Variants in STAG1 observed in about 807,000 individuals in gnomAD.
STAG1 encodes STAG1 cohesin complex component.
A neutral mutation model predicts 170.9 loss-of-function variants in STAG1; 26 were observed. The ratio of observed to expected loss-of-function variants is 0.15; its 90% CI spans 0.11 to 0.21. STAG1 has a LOEUF of 0.21. Ranked by LOEUF, STAG1 falls within the 10% of genes least tolerant of loss-of-function variation. STAG1 has a pLI of 1.00. For synonymous variants in STAG1, 514 were observed against 497.7 expected (o/e 1.03, Z -0.44); for missense variants, 964 against 1,509.5 (o/e 0.64, Z 5.99).
At chr3:136,339,410 C>G (rs1193344359) in intron 32 of STAG1, among the ~76,000 whole-genome samples, 1 of 152,270 alleles carries the variant, frequency 6.6e-6, no homozygotes, top group South Asian at 2.1e-4. Flanking sequence ...ATAGTGCCAG[C>G]TATTTGGGAG....
chr3:136,600,091 T>A (rs927860764), intron 4 of STAG1, among the ~76,000 whole-genome samples: 2 of 152,192 alleles, frequency 1.3e-5, no homozygotes, highest in Non-Finnish European at 2.9e-5. Flanking sequence ...GTCCATCTTC[T>A]CCCTTTCCTC....
At chr3:136,490,125 C>G (rs1253837112) in intron 9 of STAG1, among the ~76,000 whole-genome samples, 3 of 151,334 alleles carry the variant, frequency 2.0e-5, no homozygotes, top group Non-Finnish European at 2.9e-5. Context: ...ACTGCAACCT[C>G]CACCTCCCGG....
intron 1 of STAG1, among the ~76,000 whole-genome samples, chr3:136,668,796 C>T (rs13063893): frequency 0.096 from 14,551 of 152,210 alleles, 910 homozygotes; most frequent in Middle Eastern, 0.16. Flanking sequence ...ATCCCAAAGG[C>T]TCTGCAGCTG....
chr3:136,544,001 C>T (rs143389846), intron 5 of STAG1, among the ~76,000 whole-genome samples: 1 of 152,170 alleles, frequency 6.6e-6, no homozygotes, highest in Non-Finnish European at 1.5e-5. Flanking sequence ...TGCACAGATT[C>T]AAATACTGTT....
rs548260592 is a variant in STAG1, at chr3:136,343,746, G to C, written c.3446+86C>G. On this transcript the variant is annotated intron_variant, in intron 30 of 33. Coordinates refer to ENST00000383202, the MANE Select transcript of STAG1 (RefSeq NM_005862.3). ...CTTATCATGAACTGACCAGCAATATGTTCTGATGAACAAATAAAGTTTTTC... is the reference window on the plus strand; with the variant it reads ...CTTATCATGAACTGACCAGCAATATCTTCTGATGAACAAATAAAGTTTTTC... 200 of 1,132,898 alleles carry C rather than the reference G, an allele frequency of 1.8e-4. 1 individual carries two copies. The highest frequency in any genetic ancestry group is 2.3e-4 in the Non-Finnish European group (186 of 815,746). 70.2% of individuals were successfully genotyped at this position (1,132,898 alleles called of 1,614,324 possible). A position where few individuals can be genotyped will look rare whatever the true frequency, so the allele number is the denominator to read the frequency against.
In STAG1 at chr3:136,557,434, A is replaced by C. The variant is rs1294119523; in HGVS notation, c.394+11331T>G. Among the ~76,000 whole-genome samples, 13 of 152,232 alleles carry C rather than the reference A, an allele frequency of 8.5e-5. No homozygotes were observed. In the South Asian group the frequency reaches 1.9e-3, roughly 22 times the overall value. On this transcript the variant is annotated intron_variant, in intron 5 of 33. Transcript: ENST00000383202. ...TGACGTAAAAACCTAAATTTGAAGG[A>C]CTAACCTATACATAACTAACTAAAC...
chr3:136,623,331 T>C (rs1010020905), intron 2 of STAG1, 83 bp from the exon 3 acceptor site: 19 of 1,224,900 alleles, frequency 1.6e-5, no homozygotes, highest in Non-Finnish European at 2.1e-5. Context: ...CCACCTGCTA[T>C]ATGGCTGATT....
At chr3:136,565,316 T>C (rs962377239) in intron 5 of STAG1, among the ~76,000 whole-genome samples, 2 of 152,256 alleles carry the variant, frequency 1.3e-5, no homozygotes, top group African/African-American at 4.8e-5. Flanking sequence ...CCACAATATA[T>C]ACAACTCATC....
rs762179492 is a variant in STAG1, at chr3:136,422,844, G to A, written c.1757C>T (p.Ala586Val). The change falls in exon 18 of 34, where the codon GCA becomes GTA. Residue 586 changes from alanine (A) to valine (V), a missense_variant. Ala to Val is a moderately conservative substitution (Grantham distance 64). Coordinates refer to ENST00000383202, the MANE Select transcript of STAG1 (RefSeq NM_005862.3). ...TTGTAGCAAGTTTGCTACCTTCTCT[G>A]CATCTGCAGAATACTAGAAGGAGAA... Reference protein sequence around the residue: ...PMLLSKYSADAEKVANLLQIP... With the variant: ...PMLLSKYSADVEKVANLLQIP... 6 of 1,608,616 alleles carry A rather than the reference G, an allele frequency of 3.7e-6. No homozygotes were observed. The Admixed American group carries it at 1.0e-4, about 27-fold the overall frequency.
In STAG1 at chr3:136,471,831, C is replaced by G. The variant is rs1361111105; in HGVS notation, c.1205+582G>C. Reference sequence around the variant, plus strand: ...GGTTCTTCCTTTTGCAGTCTTCTTTCTCTCTGAGTTATTTATTTATTTTTG... The same window carrying G: ...GGTTCTTCCTTTTGCAGTCTTCTTTGTCTCTGAGTTATTTATTTATTTTTG... On this transcript the variant is annotated intron_variant, in intron 12 of 33. Transcript: ENST00000383202. Among the ~76,000 whole-genome samples, 10 of 152,046 alleles carry G rather than the reference C, an allele frequency of 6.6e-5. 1 individual carries two copies. Among genetic ancestry groups the G allele is most frequent in the Admixed American group, 6.6e-4 (10 of 15,242 alleles).
intron 1 of STAG1, among the ~76,000 whole-genome samples, chr3:136,680,254 C>T (rs1173486640): frequency 6.6e-6 from 1 of 152,124 alleles, no homozygotes; most frequent in Non-Finnish European, 1.5e-5. Flanking sequence ...GAGCGAGACC[C>T]TGTCTCAAAT....
intron 9 of STAG1, among the ~76,000 whole-genome samples, chr3:136,477,716 G>T (rs559593201): frequency 6.6e-6 from 1 of 152,252 alleles, no homozygotes; most frequent in East Asian, 1.9e-4. Flanking sequence ...CAAGAAACAT[G>T]TTAAACTTTC....
At chr3:136,423,333 C>G (rs921270031) in intron 16 of STAG1, among the ~76,000 whole-genome samples, 27 of 152,066 alleles carry the variant, frequency 1.8e-4, no homozygotes, top group Non-Finnish European at 3.2e-4. Context: ...CAATCAATAC[C>G]CAATTTTTCT....
chr3:136,449,740 A>G (rs1404864871), intron 14 of STAG1, among the ~76,000 whole-genome samples: 4 of 152,146 alleles, frequency 2.6e-5, no homozygotes, highest in African/African-American at 9.7e-5. Context: ...GCCTGAAACT[A>G]AGTACTCATG....
chr3:136,630,023 C>T (rs1034561201), intron 2 of STAG1, among the ~76,000 whole-genome samples: 4 of 152,018 alleles, frequency 2.6e-5, no homozygotes, highest in South Asian at 2.1e-4. Context: ...TAGTGAAACC[C>T]GTCTCTACTA....
At chr3:136,452,455 T>A (rs920160980) in intron 13 of STAG1, among the ~76,000 whole-genome samples, 1 of 151,648 alleles carries the variant, frequency 6.6e-6, no homozygotes, top group Non-Finnish European at 1.5e-5. Context: ...TCCCAGCTAC[T>A]TGGGAGGCTG....
chr3:136,458,864 G>A (rs1257517716), intron 13 of STAG1, among the ~76,000 whole-genome samples: 1 of 152,108 alleles, frequency 6.6e-6, no homozygotes, highest in Non-Finnish European at 1.5e-5. Context: ...AACCAAAAAT[G>A]TAACAGAAGT....
At chr3:136,494,531 A>G (rs916066522) in intron 9 of STAG1, among the ~76,000 whole-genome samples, 4 of 152,220 alleles carry the variant, frequency 2.6e-5, no homozygotes, top group African/African-American at 9.6e-5. Context: ...CAAATCCTTA[A>G]CAAAATACTA....
chr3:136,528,757 C>T (rs1481302179), intron 6 of STAG1, among the ~76,000 whole-genome samples: 5 of 151,754 alleles, frequency 3.3e-5, no homozygotes, highest in Non-Finnish European at 7.4e-5. Flanking sequence ...GGCAAAACCC[C>T]GTCTCTACCA....
Sources: gnomAD v4.1 joint callset for allele counts (sites outside exome capture counted in the v4.1 genomes callset) on GRCh38, gnomAD v4.1.1 for gene constraint, MANE v1.5 for transcripts, NCBI Gene and HGNC (gene_info 2026-07-23, HGNC 2026-07-21) for gene names.